ZYG11B: variants seen among roughly 807,000 people sequenced by gnomAD.
ZYG11B encodes protein zyg-11 homolog B.
In ZYG11B, 36 loss-of-function variants were observed where a neutral mutation model predicts 82.4. The observed-to-expected ratio is 0.44, with a 90% confidence interval of 0.33 to 0.58. The LOEUF is 0.58. Among genes scored for constraint, ZYG11B ranks in the 20% least tolerant of loss-of-function variants. The pLI is 0.02. For missense variants in ZYG11B, 552 were observed against 895.6 expected, an observed-to-expected ratio of 0.62 and a Z score of 4.90; for synonymous variants, 303 against 312.8, an observed-to-expected ratio of 0.97 and a Z score of 0.33.
intron 1 of ZYG11B, among the ~76,000 whole-genome samples, chr1:52,744,064 GTAGC>G (rs983238196): frequency 5.3e-5 from 8 of 151,960 alleles, no homozygotes; most frequent in Non-Finnish European, 1.2e-4. Context: ...AGCCTCCCCA[GTAGC>G]TAGGACTACA....
chr1:52,777,392 C>G (rs1644818774), intron 3 of ZYG11B, among the ~76,000 whole-genome samples: 1 of 152,068 alleles, frequency 6.6e-6, no homozygotes, highest in African/African-American at 2.4e-5. Flanking sequence ...AAATGTCAAC[C>G]ATGATACATC....
At chr1:52,796,181 T>A (rs1571785432) in intron 6 of ZYG11B, 111 bp from the exon 7 acceptor site, 1 of 699,074 alleles carries the variant, frequency 1.4e-6, no homozygotes, top group Admixed American at 2.6e-5. Flanking sequence ...TAAGAGGAAT[T>A]TTCCCTTGCC....
rs1231986409 is a variant in ZYG11B at position 52,793,239 on chromosome 1, C to G, written c.1335-3053C>G. ...CCCAAAGTTAGGCCAGGCGCAGTGG[C>G]TCATGGAGAATGTAATCCCAGCACT... On this transcript the variant is annotated intron_variant, in intron 6 of 13. Transcript: ENST00000294353. Among the ~76,000 whole-genome samples, 5 of 151,920 alleles carry G rather than the reference C, an allele frequency of 3.3e-5. No individual in the cohort carries two copies. The East Asian group carries it at 9.7e-4, about 29-fold the overall frequency.
chr1:52,742,899 CCCCCGCCCGGCCAGCCG>C (rs1644443330), intron 1 of ZYG11B, among the ~76,000 whole-genome samples: 1 of 151,030 alleles, frequency 6.6e-6, no homozygotes, highest in Non-Finnish European at 1.5e-5. Flanking sequence ...TGGGGGGCAG[CCCCCGCCCGGCCAGCCG>C]CCCCGTCCGG....
chr1:52,780,510 AAG>A (rs1307378013), intron 4 of ZYG11B, among the ~76,000 whole-genome samples: 2 of 152,180 alleles, frequency 1.3e-5, no homozygotes, highest in African/African-American at 4.8e-5. Context: ...AAATAAAAAA[AAG>A]AGAGAAGTAA....
Position 52,825,630 on chromosome 1 carries a change from C to T in ZYG11B, c.*4001C>T, listed in dbSNP as rs1645318261. ...CCTTTTGTGTTAATCTGTTTTCTCC[C>T]CAGTCATCTTATTTGGCTATGTTAA... is the stretch of plus-strand genomic sequence containing the variant. On this transcript the variant is annotated 3_prime_UTR_variant, in exon 14 of 14. Coordinates refer to ENST00000294353, the MANE Select transcript of ZYG11B (RefSeq NM_024646.3). 6.7e-6 allele frequency: 1 copy of T among 150,206 alleles called. No homozygotes were observed. Among genetic ancestry groups the T allele is most frequent in the Non-Finnish European group, 1.5e-5 (1 of 67,730 alleles). The allele number at this position is 150,206 out of a possible 1,614,324, so 9.3% of individuals were successfully genotyped here.
chr1:52,730,334 T>G (rs992658170), intron 1 of ZYG11B, among the ~76,000 whole-genome samples: 1 of 152,158 alleles, frequency 6.6e-6, no homozygotes. Flanking sequence ...ATGTATTTAT[T>G]TATTTATTTT....
Position 52,827,129 on chromosome 1 carries a change from T to TA in ZYG11B, c.*5506dup, listed in dbSNP as rs1645331534. 1 of 152,222 alleles carries TA rather than the reference T, an allele frequency of 6.6e-6. No homozygotes were observed. The highest frequency in any genetic ancestry group is 2.1e-4 in the South Asian group (1 of 4,834). 9.4% of individuals were successfully genotyped at this position (152,222 alleles called of 1,614,324 possible). A position where few individuals can be genotyped will look rare whatever the true frequency, so the allele number is the denominator to read the frequency against. ...ACAGTTTAACTCCTTTCTAAGGATA[T>TA]AAAAAATTCATTGGAAAGTGTGTAT... On this transcript the variant is annotated 3_prime_UTR_variant, in exon 14 of 14. Coordinates refer to ENST00000294353, the MANE Select transcript of ZYG11B (RefSeq NM_024646.3).
At chr1:52,754,845 G>A (rs1432291116) in intron 1 of ZYG11B, among the ~76,000 whole-genome samples, 1 of 151,922 alleles carries the variant, frequency 6.6e-6, no homozygotes, top group Non-Finnish European at 1.5e-5. Flanking sequence ...TACTATTTAG[G>A]ACCTTGATCT....
intron 10 of ZYG11B, among the ~76,000 whole-genome samples, chr1:52,803,191 C>CATATATATATAT (rs774775340): frequency 1.4e-5 from 1 of 69,288 alleles, no homozygotes. Flanking sequence ...TATATATACA[C>CATATATATATAT]ATATATATAT....
At chr1:52,733,367 T>C (rs1401412855) in intron 1 of ZYG11B, among the ~76,000 whole-genome samples, 2 of 152,104 alleles carry the variant, frequency 1.3e-5, no homozygotes, top group Non-Finnish European at 2.9e-5. Flanking sequence ...ATTTTTTGTA[T>C]AGTTTTTGTG....
intron 13 of ZYG11B, among the ~76,000 whole-genome samples, chr1:52,820,472 C>T (rs2149969243): frequency 6.6e-6 from 1 of 151,622 alleles, no homozygotes; most frequent in South Asian, 2.1e-4. Flanking sequence ...CGTGGTAAAA[C>T]CCCACCTCTA....
intron 2 of ZYG11B, among the ~76,000 whole-genome samples, chr1:52,766,408 A>AT (rs1033159578): frequency 7.0e-6 from 1 of 142,628 alleles, no homozygotes; most frequent in Non-Finnish European, 1.5e-5. Flanking sequence ...TCTGTTACTC[A>AT]TTTTTTTTCA....
rs1222306174 is a variant in ZYG11B at position 52,823,706 on chromosome 1, A to C, written c.*2077A>C. The C allele has an allele frequency of 6.6e-6, 1 of 152,184 alleles. No homozygotes were observed. Among genetic ancestry groups the C allele is most frequent in the East Asian group, 1.9e-4 (1 of 5,202 alleles). The allele number at this position is 152,184 out of a possible 1,614,324, so 9.4% of individuals were successfully genotyped here. On this transcript the variant is annotated 3_prime_UTR_variant, in exon 14 of 14. Coordinates refer to ENST00000294353, the MANE Select transcript of ZYG11B (RefSeq NM_024646.3). Reference sequence around the variant, plus strand: ...TTTCTGTTTTATAAGACAAAAGTGCATATTTCTTTACAGGCTAATGCTAGG... The same window carrying C: ...TTTCTGTTTTATAAGACAAAAGTGCCTATTTCTTTACAGGCTAATGCTAGG...
intron 4 of ZYG11B, 108 bp downstream of exon 4, chr1:52,780,101 T>A: frequency 9.3e-7 from 1 of 1,073,992 alleles, no homozygotes; most frequent in Non-Finnish European, 1.3e-6. Context: ...TTATTATTTA[T>A]AATGTGATTG....
chr1:52,757,653 C>T (rs1219410774), intron 2 of ZYG11B, among the ~76,000 whole-genome samples: 3 of 151,888 alleles, frequency 2.0e-5, no homozygotes, highest in African/African-American at 4.8e-5. Context: ...CCAGCCTGGG[C>T]GACAGAGCAA....
At chr1:52,748,901 C>CAAA (rs34089388) in intron 1 of ZYG11B, among the ~76,000 whole-genome samples, 1 of 120,712 alleles carries the variant, frequency 8.3e-6, no homozygotes. Context: ...GCTTCCATCT[C>CAAA]AAAAAAAAAA....
chr1:52,816,177 C>G (rs1645222389), intron 12 of ZYG11B, among the ~76,000 whole-genome samples: 1 of 152,068 alleles, frequency 6.6e-6, no homozygotes, highest in African/African-American at 2.4e-5. Context: ...AATTATACAT[C>G]TTTTTCATAG....
intron 7 of ZYG11B, 57 bp downstream of exon 7, chr1:52,796,448 C>G: frequency 7.3e-7 from 1 of 1,372,998 alleles, no homozygotes; most frequent in Non-Finnish European, 1.0e-6. Flanking sequence ...ACTACATTTA[C>G]TGTTTCCCCC....
Sources: gnomAD v4.1 joint callset for allele counts (sites outside exome capture counted in the v4.1 genomes callset) on GRCh38, gnomAD v4.1.1 for gene constraint, MANE v1.5 for transcripts, NCBI Gene and HGNC (gene_info 2026-07-23, HGNC 2026-07-21) for gene names.